ZCWPW1: variants seen among roughly 807,000 people sequenced by gnomAD.
ZCWPW1 encodes zinc finger CW-type PWWP domain protein 1.
Under a neutral mutation model 81.3 loss-of-function variants are expected in ZCWPW1, and 56 were observed. The ratio of observed to expected loss-of-function variants is 0.69; its 90% CI spans 0.56 to 0.86. ZCWPW1 has a LOEUF of 0.86. Among genes scored for constraint, ZCWPW1 ranks in the 40% least tolerant of loss-of-function variants. ZCWPW1 has a pLI of 0.00. For synonymous variants in ZCWPW1, 250 were observed against 273.7 expected (o/e 0.91, Z 0.86); for missense variants, 650 against 769.8 (o/e 0.84, Z 1.84).
Position 100,419,708 on chromosome 7 carries a change from G to T in ZCWPW1, c.204C>A (p.Thr68=). 1.2e-6 allele frequency: 2 copies of T among 1,613,832 alleles called. No individual in the cohort carries two copies. The highest frequency in any genetic ancestry group is 1.7e-6 in the Non-Finnish European group (2 of 1,179,990). Reference sequence around the variant, plus strand: ...GTTCCCTGCTTGGAACATTCTTCATGGTTGCTTTTTCCTCTTTCTTCTTTA... The same window carrying T: ...GTTCCCTGCTTGGAACATTCTTCATTGTTGCTTTTTCCTCTTTCTTCTTTA... ...ASLKKKEEKA[T]MKNVPSREQE... The change falls in exon 4 of 18, where the codon ACC becomes ACA. Residue 68 remains threonine, a synonymous_variant. Transcript: ENST00000684423.
chr7:100,401,788 A>C, intron 17 of ZCWPW1, 101 bp downstream of exon 17: 1 of 1,433,246 alleles, frequency 7.0e-7, no homozygotes, highest in South Asian at 1.4e-5. Context: ...TCATTCTGTA[A>C]AGTAATGAAA....
chr7:100,417,703 G>A (rs950438477), intron 5 of ZCWPW1, among the ~76,000 whole-genome samples: 2 of 150,986 alleles, frequency 1.3e-5, no homozygotes, highest in Non-Finnish European at 3.0e-5. Flanking sequence ...GGGCAACAGA[G>A]TGAGACTCCA....
intron 13 of ZCWPW1, 101 bp from the exon 14 acceptor site, chr7:100,404,345 T>G: frequency 1.9e-6 from 2 of 1,063,392 alleles, no homozygotes; most frequent in South Asian, 2.8e-5. Context: ...TCTGATTCAT[T>G]TTCCATACCA....
chr7:100,426,139 T>C (rs1797278067), intron 1 of ZCWPW1, among the ~76,000 whole-genome samples: 2 of 152,176 alleles, frequency 1.3e-5, no homozygotes, highest in African/African-American at 4.8e-5. Context: ...CTAAGAGAAG[T>C]AAACCCTTTA....
intron 2 of ZCWPW1, among the ~76,000 whole-genome samples, chr7:100,424,587 G>A (rs1051635905): frequency 1.3e-4 from 20 of 151,688 alleles, no homozygotes; most frequent in Non-Finnish European, 2.6e-4. Context: ...TCAGCCTCCC[G>A]AGTAGCTGGG....
chr7:100,404,009 G>A (rs1156931848), intron 14 of ZCWPW1, among the ~76,000 whole-genome samples, 169 bp downstream of exon 14: 1 of 151,604 alleles, frequency 6.6e-6, no homozygotes, highest in East Asian at 1.9e-4. Flanking sequence ...CCACTCATCT[G>A]CCCATCCATC....
chr7:100,402,204 C>G (rs546560611), intron 16 of ZCWPW1, among the ~76,000 whole-genome samples, 163 bp from the exon 17 acceptor site: 10 of 152,302 alleles, frequency 6.6e-5, no homozygotes, highest in Admixed American at 4.6e-4. Context: ...TCTTTTCCCC[C>G]CAATTCTCTT....
intron 11 of ZCWPW1, 128 bp downstream of exon 11, chr7:100,407,100 C>T: frequency 2.5e-6 from 2 of 796,796 alleles, no homozygotes; most frequent in East Asian, 5.2e-5. Flanking sequence ...GTTTGTCATC[C>T]TAGTTAAGTG....
At chr7:100,427,162 T>C (rs1217455188) in intron 1 of ZCWPW1, among the ~76,000 whole-genome samples, 1 of 12,258 alleles carries the variant, frequency 8.2e-5, no homozygotes, top group African/African-American at 4.4e-4. Flanking sequence ...TCCCTCCCTC[T>C]CTCTCTTCTC....
At chr7:100,408,483 G>C in intron 10 of ZCWPW1, 56 bp downstream of exon 10, 7 of 1,594,082 alleles carry the variant, frequency 4.4e-6, no homozygotes, top group Non-Finnish European at 6.0e-6. Context: ...ACCCCTGCTT[G>C]AATCTACCTC....
At position 100,401,142 on chromosome 7, in the gene ZCWPW1, C is replaced by T. The variant is rs745389015; in HGVS notation, c.1822G>A (p.Glu608Lys). 8.7e-6 allele frequency: 14 copies of T among 1,614,122 alleles called. No homozygotes were observed. Among genetic ancestry groups the T allele is most frequent in the East Asian group, 6.7e-5 (3 of 44,900 alleles). The change falls in exon 18 of 18, where the codon GAA becomes AAA. Residue 608 changes from glutamate (E) to lysine (K), a missense_variant. Physicochemically the swap from Glu to Lys is moderately conservative, Grantham distance 56 (BLOSUM62 1). Coordinates refer to ENST00000684423, the MANE Select transcript of ZCWPW1 (RefSeq NM_001386010.1). ...TCCAGGTCCAGGTCACTGGAGGCTT[C>T]GTCCTCAAGGGGGACACTTCCAGCC... is the stretch of plus-strand genomic sequence containing the variant. ...QEAGSVPLED[E>K]ASSDLDLEQL... is the part of the protein sequence containing the mutation.
At chr7:100,416,584 C>T in intron 6 of ZCWPW1, 128 bp from the exon 7 acceptor site, 1 of 913,026 alleles carries the variant, frequency 1.1e-6, no homozygotes, top group Non-Finnish European at 1.6e-6. Context: ...GAGGCCATTT[C>T]ATCCATCTAC....
chr7:100,403,702 C>T lies in ZCWPW1; in HGVS notation c.1405G>A (p.Glu469Lys). Residue 469 changes from glutamate to lysine, a missense_variant, in exon 15 of 18, where the codon GAG becomes AAG. Glu to Lys is a moderately conservative substitution (Grantham distance 56). Coordinates refer to ENST00000684423, the MANE Select transcript of ZCWPW1 (RefSeq NM_001386010.1). ...KEEELEKEEG[E>K]KTDPILPIRK... ...ATTAAAGCTAATCTTACTGTTTTCT[C>T]TCCTTCCTCCTTTTCCAACTCTTCC... 6.2e-7 allele frequency: 1 copy of T among 1,612,152 alleles called. No homozygotes were observed. Among genetic ancestry groups the T allele is most frequent in the Non-Finnish European group, 8.5e-7 (1 of 1,179,006 alleles).
At chr7:100,404,091 A>G in intron 14 of ZCWPW1, 87 bp downstream of exon 14, 2 of 1,373,780 alleles carry the variant, frequency 1.5e-6, no homozygotes, top group Admixed American at 4.1e-5. Flanking sequence ...ATGATAGAGA[A>G]TATAAAATAA....
chr7:100,409,047 C>T (rs1336855690), intron 9 of ZCWPW1, among the ~76,000 whole-genome samples: 2 of 152,266 alleles, frequency 1.3e-5, no homozygotes, highest in Admixed American at 6.5e-5. Flanking sequence ...TCATCATCAT[C>T]TCTTCCAACT....
At chr7:100,416,212 G>C (rs1795184716) in intron 7 of ZCWPW1, 93 bp downstream of exon 7, 2 of 1,588,852 alleles carry the variant, frequency 1.3e-6, no homozygotes, top group Non-Finnish European at 8.6e-7. Context: ...CAAGTCTTGG[G>C]CTGAAAATTC....
intron 15 of ZCWPW1, among the ~76,000 whole-genome samples, chr7:100,403,085 C>T (rs1469160372): frequency 1.3e-5 from 2 of 152,060 alleles, no homozygotes; most frequent in Non-Finnish European, 2.9e-5. Context: ...GACTTAGAAA[C>T]CCCCAAATAT....
intron 8 of ZCWPW1, among the ~76,000 whole-genome samples, chr7:100,413,082 CCTAATA>C (rs1251436313): frequency 7.2e-5 from 11 of 152,268 alleles, no homozygotes; most frequent in South Asian, 2.1e-4. Flanking sequence ...AATACCTAAT[CCTAATA>C]CTAACTTCTT....
At chr7:100,412,904 T>C (rs528383306) in intron 8 of ZCWPW1, among the ~76,000 whole-genome samples, 2 of 152,190 alleles carry the variant, frequency 1.3e-5, no homozygotes, top group Admixed American at 1.3e-4. Flanking sequence ...ATATATTTTT[T>C]TGAGACAGGG....
Sources: gnomAD v4.1 joint callset for allele counts (sites outside exome capture counted in the v4.1 genomes callset) on GRCh38, gnomAD v4.1.1 for gene constraint, MANE v1.5 for transcripts, NCBI Gene and HGNC (gene_info 2026-07-23, HGNC 2026-07-21) for gene names.